The following RAP1A variants were observed in gnomAD, a reference collection of about 807,000 sequenced individuals.
The protein encoded by RAP1A is ras-related protein Rap-1A.
RAP1A carries 6 observed loss-of-function variants against 26.4 expected under a neutral mutation model. The ratio of observed to expected loss-of-function variants is 0.23; its 90% CI spans 0.12 to 0.45. The LOEUF (loss-of-function observed/expected upper bound fraction) is 0.45. RAP1A is among the 20% of genes least tolerant of loss of function. The probability of loss-of-function intolerance (pLI) is 0.99; values close to 1 mark genes in which losing one functional copy is unlikely to be tolerated. For synonymous variants in RAP1A, 73 were observed against 79.4 expected, an observed-to-expected ratio of 0.92 and a Z score of 0.43; for missense variants, 121 against 217.2, an observed-to-expected ratio of 0.56 and a Z score of 2.78.
chr1:111,679,264 G>A lies in RAP1A; in HGVS notation c.-27-12070G>A, dbSNP rs150807851. ...GCTAGCAGAAGCAGGGTGGGGCATC[G>A]CCTCATCCGGGAAGTGCAAGGGGTC... On this transcript the variant is annotated intron_variant, in intron 1 of 7. Transcript: ENST00000369709. Among the ~76,000 whole-genome samples the A allele has an allele frequency of 1.4e-4, 22 of 152,258 alleles. 1 individual carries two copies. In the East Asian group the frequency reaches 3.5e-3, roughly 24 times the overall value.
intron 1 of RAP1A, among the ~76,000 whole-genome samples, chr1:111,585,320 A>G (rs1658343700): frequency 6.6e-6 from 1 of 152,170 alleles, no homozygotes. Context: ...GTCATGGGAG[A>G]AATAAAAAGG....
chr1:111,591,464 G>A (rs1337909), intron 1 of RAP1A, among the ~76,000 whole-genome samples: 64,499 of 151,890 alleles, frequency 0.42, 13,710 homozygotes, highest in Middle Eastern at 0.5. Flanking sequence ...ACATTTTAAA[G>A]CTTTTGTAAA....
intron 1 of RAP1A, among the ~76,000 whole-genome samples, chr1:111,634,849 T>G (rs997260891): frequency 6.6e-6 from 1 of 152,066 alleles, no homozygotes; most frequent in African/African-American, 2.4e-5. Context: ...TTCACCATGT[T>G]GGCCAGGATG....
At chr1:111,597,249 C>T (rs1343061216) in intron 1 of RAP1A, among the ~76,000 whole-genome samples, 1 of 152,256 alleles carries the variant, frequency 6.6e-6, no homozygotes, top group East Asian at 1.9e-4. Context: ...ATTTTTCTTA[C>T]TTCTCCTTGA....
chr1:111,655,570 A>G (rs895028257), intron 1 of RAP1A, among the ~76,000 whole-genome samples: 2 of 151,054 alleles, frequency 1.3e-5, no homozygotes, highest in African/African-American at 2.4e-5. Context: ...GCTATTAGGG[A>G]TATGGTGAAA....
At chr1:111,636,504 A>T (rs1659733638) in intron 1 of RAP1A, among the ~76,000 whole-genome samples, 1 of 142,832 alleles carries the variant, frequency 7.0e-6, no homozygotes, top group African/African-American at 2.6e-5. Flanking sequence ...TTTTTTGGAG[A>T]CGGAGTTTCG....
intron 5 of RAP1A, among the ~76,000 whole-genome samples, chr1:111,703,799 A>G (rs1662096375): frequency 6.6e-6 from 1 of 152,212 alleles, no homozygotes; most frequent in African/African-American, 2.4e-5. Flanking sequence ...TGTGTCAGAA[A>G]CAGTGTTCAA....
chr1:111,551,944 G>A (rs540524563), intron 1 of RAP1A, among the ~76,000 whole-genome samples: 4 of 152,214 alleles, frequency 2.6e-5, no homozygotes, highest in South Asian at 4.2e-4. Context: ...AACAGTTCTC[G>A]GCATGCACCT....
chr1:111,552,522 TACTC>T (rs1193220657), intron 1 of RAP1A, among the ~76,000 whole-genome samples: 2 of 152,220 alleles, frequency 1.3e-5, no homozygotes, highest in African/African-American at 4.8e-5. Flanking sequence ...CAGAGTACCT[TACTC>T]TACCATCTTC....
At chr1:111,698,610 A>T (rs1343692413) in intron 4 of RAP1A, among the ~76,000 whole-genome samples, 1 of 152,076 alleles carries the variant, frequency 6.6e-6, no homozygotes, top group Admixed American at 6.5e-5. Flanking sequence ...TTCAGCACAA[A>T]GTTTTCCACT....
chr1:111,678,762 G>GTT (rs59251403), intron 1 of RAP1A, among the ~76,000 whole-genome samples: 32 of 145,782 alleles, frequency 2.2e-4, no homozygotes, highest in African/African-American at 1.0e-4. Flanking sequence ...GTTCAGGTGG[G>GTT]TTTTTTTTTT....
At chr1:111,711,089 G>A (rs1211524651) in intron 7 of RAP1A, among the ~76,000 whole-genome samples, 2 of 152,078 alleles carry the variant, frequency 1.3e-5, no homozygotes, top group Admixed American at 1.3e-4. Flanking sequence ...CACCTGCCTC[G>A]ACCTCCCAAA....
chr1:111,620,641 G>T (rs1010646587), intron 1 of RAP1A, among the ~76,000 whole-genome samples: 1 of 152,092 alleles, frequency 6.6e-6, no homozygotes, highest in African/African-American at 2.4e-5. Flanking sequence ...CCCCTTTCCC[G>T]CCTTCTTTAC....
chr1:111,646,319 T>A (rs1004112556), intron 1 of RAP1A, among the ~76,000 whole-genome samples: 3 of 152,048 alleles, frequency 2.0e-5, no homozygotes, highest in Admixed American at 6.5e-5. Context: ...CTCTGACCAT[T>A]TAATAGGAGA....
intron 7 of RAP1A, among the ~76,000 whole-genome samples, chr1:111,710,120 C>T (rs1233321657): frequency 1.3e-5 from 2 of 151,846 alleles, no homozygotes; most frequent in Non-Finnish European, 2.9e-5. Flanking sequence ...TTGAGTTCTA[C>T]ATTCTCCCCA....
chr1:111,615,769 T>A (rs1269874822), upstream of RAP1A, among the ~76,000 whole-genome samples: 1 of 147,354 alleles, frequency 6.8e-6, no homozygotes, highest in Non-Finnish European at 1.5e-5. Flanking sequence ...AGGTGGAGGT[T>A]GCAGTGAGCC....
chr1:111,608,769 C>G (rs924863548), intron 1 of RAP1A: 1 of 157,534 alleles, frequency 6.3e-6, no homozygotes, highest in Non-Finnish European at 1.4e-5. Context: ...GGCGTGGCGT[C>G]GCGCGCCTGC....
chr1:111,647,118 A>G (rs1660095000), intron 1 of RAP1A, among the ~76,000 whole-genome samples: 1 of 152,178 alleles, frequency 6.6e-6, no homozygotes, highest in Non-Finnish European at 1.5e-5. Flanking sequence ...GGAGGTAAGC[A>G]GCGTTGAGTG....
intron 1 of RAP1A, chr1:111,627,654 A>G (rs1210614049): frequency 6.6e-6 from 1 of 152,098 alleles, no homozygotes; most frequent in African/African-American, 2.4e-5. Context: ...AATAATCTGT[A>G]AAACCATCAT....
Sources: gnomAD v4.1 joint callset for allele counts (sites outside exome capture counted in the v4.1 genomes callset) on GRCh38, gnomAD v4.1.1 for gene constraint, MANE v1.5 for transcripts, NCBI Gene and HGNC (gene_info 2026-07-23, HGNC 2026-07-21) for gene names.